The following STK36 variants were observed in gnomAD, a reference collection of about 807,000 sequenced individuals.
The protein encoded by STK36 is serine/threonine-protein kinase 36.
In STK36, 116 loss-of-function variants were observed where a neutral mutation model predicts 142.2. That is an observed-to-expected ratio of 0.82 (90% CI 0.70 to 0.95). The LOEUF (loss-of-function observed/expected upper bound fraction) is 0.95. Among genes scored for constraint, STK36 ranks in the 40% least tolerant of loss-of-function variants. STK36 has a pLI of 0.00. For missense variants in STK36, 1,422 were observed against 1,617.2 expected (o/e 0.88, Z 2.07); for synonymous variants, 619 against 641.7 (o/e 0.96, Z 0.53).
intron 10 of STK36, among the ~76,000 whole-genome samples, chr2:218,681,923 T>A (rs1293257606): frequency 6.6e-6 from 1 of 150,884 alleles, no homozygotes; most frequent in Non-Finnish European, 1.5e-5. Context: ...CAACACTTTT[T>A]ATTTATTTTT....
At chr2:218,700,803 G>C (rs1187201383) in intron 26 of STK36, among the ~76,000 whole-genome samples, 1 of 151,386 alleles carries the variant, frequency 6.6e-6, no homozygotes, top group Non-Finnish European at 1.5e-5. Flanking sequence ...CTTGAGGTCA[G>C]GAGTTTGAGA....
rs189961243 is a variant in STK36, at chr2:218,695,445, C to T, written c.2511+810C>T. Among the ~76,000 whole-genome samples the T allele has an allele frequency of 1.7e-4, 26 of 150,038 alleles. 1 individual carries two copies. The highest frequency in any genetic ancestry group is 1.2e-4 in the African/African-American group (5 of 40,742). ...TTCTCCATGTTGGTCAGGCTGGTCT[C>T]GAACTCCTGACCTCACATGTGATCC... On this transcript the variant is annotated intron_variant, in intron 21 of 26. Transcript: ENST00000295709.
At chr2:218,679,427 A>T in intron 7 of STK36, 133 bp from the exon 8 acceptor site, 1 of 1,305,622 alleles carries the variant, frequency 7.7e-7, no homozygotes, top group Non-Finnish European at 1.1e-6. Context: ...CTTACAACCC[A>T]CTCTCTCTCT....
In STK36 at chr2:218,675,520, CTTTTTTT is replaced by C. The variant is rs33970984; in HGVS notation, c.434+62_434+68del. On this transcript the variant is annotated intron_variant, in intron 5 of 26. Coordinates refer to ENST00000295709, the MANE Select transcript of STK36 (RefSeq NM_015690.5). Reference sequence around the variant, plus strand: ...CTAAGCTTCCAGTTCCACACGGAATCTTTTTTTTTTTTTTTTTTTTTGAGATGGAGTT... The same window carrying C: ...CTAAGCTTCCAGTTCCACACGGAATCTTTTTTTTTTTTTTGAGATGGAGTT... The C allele has an allele frequency of 5.2e-5, 60 of 1,148,150 alleles. No individual in the cohort carries two copies. The East Asian group carries it at 7.6e-4, about 14-fold the overall frequency. The allele number at this position is 1,148,150 out of a possible 1,614,324, so 71.1% of individuals were successfully genotyped here.
At chr2:218,676,510 G>A (rs766069588) in intron 6 of STK36, among the ~76,000 whole-genome samples, 17 of 152,120 alleles carry the variant, frequency 1.1e-4, no homozygotes, top group Non-Finnish European at 1.6e-4. Context: ...AGGAAGGATG[G>A]CTGGGGAAGC....
intron 10 of STK36, among the ~76,000 whole-genome samples, chr2:218,682,369 C>G (rs1940564607): frequency 6.6e-6 from 1 of 152,076 alleles, no homozygotes; most frequent in African/African-American, 2.4e-5. Context: ...CCCCTTTACC[C>G]CTAAATACTT....
intron 14 of STK36, among the ~76,000 whole-genome samples, chr2:218,691,665 C>G (rs1368455522): frequency 6.6e-6 from 1 of 152,162 alleles, no homozygotes; most frequent in Non-Finnish European, 1.5e-5. Flanking sequence ...AAGCAATCCT[C>G]CCATCTCGGC....
chr2:218,685,480 T>C (rs1261847334), intron 11 of STK36, among the ~76,000 whole-genome samples: 1 of 152,178 alleles, frequency 6.6e-6, no homozygotes, highest in African/African-American at 2.4e-5. Flanking sequence ...TTTTAGGCAT[T>C]GTGAGCCACC....
intron 26 of STK36, among the ~76,000 whole-genome samples, chr2:218,701,334 G>T (rs1941436257): frequency 6.6e-6 from 1 of 151,264 alleles, no homozygotes; most frequent in Non-Finnish European, 1.5e-5. Context: ...TAGAGACGGG[G>T]TTTCACCGTG....
intron 2 of STK36, chr2:218,673,137 A>G (rs1246744673): frequency 1.2e-5 from 6 of 490,880 alleles, no homozygotes; most frequent in Non-Finnish European, 2.2e-5. Context: ...TAACTTCCCT[A>G]TGTCTCAATT....
intron 5 of STK36, 27 bp downstream of exon 5, chr2:218,675,500 C>T (rs1175638232): frequency 6.3e-7 from 1 of 1,576,324 alleles, no homozygotes; most frequent in Non-Finnish European, 8.6e-7. Flanking sequence ...TCCATCTAAG[C>T]TTCCAGTTCC....
intron 6 of STK36, among the ~76,000 whole-genome samples, chr2:218,677,537 A>C (rs1940311924): frequency 6.6e-6 from 1 of 152,208 alleles, no homozygotes; most frequent in African/African-American, 2.4e-5. Flanking sequence ...TATCACAATG[A>C]AAAGGTAATT....
chr2:218,698,028 G>T, intron 25 of STK36, 27 bp downstream of exon 25: 1 of 1,613,726 alleles, frequency 6.2e-7, no homozygotes, highest in Non-Finnish European at 8.5e-7. Context: ...CATGAAGGTG[G>T]GAGAGGAAGA....
rs2241528 is a variant in STK36 at position 218,699,084 on chromosome 2, C to T, written c.3540C>T (p.Ala1180=). Residue 1180 remains alanine (A), a synonymous_variant, in exon 26 of 27, where the codon GCC becomes GCT. Coordinates refer to ENST00000295709, the MANE Select transcript of STK36 (RefSeq NM_015690.5). The part of the protein sequence containing the change: ...CSASFAVGNA[A]YQAGPLGPAL... ...CCAGCTTTGCTGTGGGCAATGCAGC[C>T]TACCAGGCTGGTCCTCTGGGACCTG... is the stretch of plus-strand genomic sequence containing the variant. 3.8e-3 allele frequency: 6,077 copies of T among 1,614,058 alleles called. 228 individuals carry two copies. The East Asian group carries it at 0.085, about 23-fold the overall frequency.
At position 218,692,625 on chromosome 2, in the gene STK36, A is replaced by G. The variant is rs140626888; in HGVS notation, c.1958A>G (p.Asp653Gly). 1.2e-6 allele frequency: 2 copies of G among 1,613,738 alleles called. No individual in the cohort carries two copies. The highest frequency in any genetic ancestry group is 2.7e-5 in the African/African-American group (2 of 75,040). Residue 653 changes from aspartate to glycine, a missense_variant, in exon 16 of 27, where the codon GAT (aspartate) becomes GGT (glycine). Asp to Gly is a moderately conservative substitution (Grantham distance 94, BLOSUM62 -1). Transcript: ENST00000295709. ...VSQPLREQSEDIPGAISSALA... is the reference protein window; with the variant it reads ...VSQPLREQSEGIPGAISSALA... ...CAGCCACTGCGAGAGCAGAGTGAGG[A>G]TATACCTGGAGCCATTTCCTCTGCC...
chr2:218,696,535 G>T lies in STK36; in HGVS notation c.2520G>T (p.Leu840Phe). ...ATGTTTCTCTCTGACAGGTTCGGTTGACTCCACCAGGTAGTTGTGGATTCT... is the reference window on the plus strand; with the variant it reads ...ATGTTTCTCTCTGACAGGTTCGGTTTACTCCACCAGGTAGTTGTGGATTCT... ...HALSAPAEVR[L>F]TPPGSCGFYD... The change falls in exon 22 of 27, where the codon TTG (leucine) becomes TTT (phenylalanine). Residue 840 changes from leucine to phenylalanine, a missense_variant. This residue lies in a region of STK36 where 962 missense variants were observed against 1,167.5 expected (regional missense o/e 0.82). Coordinates refer to ENST00000295709, the MANE Select transcript of STK36 (RefSeq NM_015690.5). 6.2e-7 allele frequency: 1 copy of T among 1,614,134 alleles called. No individual in the cohort carries two copies. The highest frequency in any genetic ancestry group is 1.1e-5 in the South Asian group (1 of 91,060).
At chr2:218,679,016 G>T in intron 6 of STK36, 152 bp from the exon 7 acceptor site, 1 of 673,426 alleles carries the variant, frequency 1.5e-6, no homozygotes, top group Non-Finnish European at 2.5e-6. Context: ...CCAGGAAAAT[G>T]GGACCTGAAC....
chr2:218,692,538 C>T (rs776250033), intron 15 of STK36, 45 bp from the exon 16 acceptor site: 13 of 1,580,248 alleles, frequency 8.2e-6, no homozygotes, highest in Non-Finnish European at 1.0e-5. Flanking sequence ...TTGTCTAGGG[C>T]AAGAGCCTCA....
At chr2:218,672,344 G>C (rs1198892373) in intron 1 of STK36, 129 bp downstream of exon 1, 4 of 341,214 alleles carry the variant, frequency 1.2e-5, no homozygotes, top group Non-Finnish European at 2.2e-5. Flanking sequence ...GGCCTGAGGA[G>C]CTTGGAGCTC....
Sources: gnomAD v4.1 joint callset for allele counts (sites outside exome capture counted in the v4.1 genomes callset) on GRCh38, gnomAD v4.1.1 for gene constraint, gnomAD v4.1.1 regional missense constraint, MANE v1.5 for transcripts, NCBI Gene and HGNC (gene_info 2026-07-23, HGNC 2026-07-21) for gene names.